FMN2: variants seen among roughly 807,000 people sequenced by gnomAD.
FMN2 encodes formin 2.
A neutral mutation model predicts 142.3 loss-of-function variants in FMN2; 51 were observed. That is an observed-to-expected ratio of 0.36 (90% confidence interval 0.29 to 0.45). The LOEUF is 0.45. FMN2 is among the 20% of genes least tolerant of loss of function. FMN2 has a pLI of 1.00. For synonymous variants in FMN2, 882 were observed against 869.8 expected, an observed-to-expected ratio of 1.01 and a Z score of -0.25; for missense variants, 1,936 against 2,122.8, an observed-to-expected ratio of 0.91 and a Z score of 1.73.
At chr1:240,351,112 A>T (rs1289228251) in intron 13 of FMN2, among the ~76,000 whole-genome samples, 1 of 152,136 alleles carries the variant, frequency 6.6e-6, no homozygotes, top group Non-Finnish European at 1.5e-5. Flanking sequence ...TTGTTCTGTG[A>T]CTCATTAAAT....
intron 3 of FMN2, among the ~76,000 whole-genome samples, chr1:240,184,970 A>G (rs1665349576): frequency 6.9e-6 from 1 of 145,936 alleles, no homozygotes; most frequent in African/African-American, 2.5e-5. Flanking sequence ...TCTCCCTCCT[A>G]TACCTTCCCC....
At chr1:240,385,538 T>C (rs1013954271) in intron 14 of FMN2, among the ~76,000 whole-genome samples, 1 of 152,184 alleles carries the variant, frequency 6.6e-6, no homozygotes, top group Non-Finnish European at 1.5e-5. Flanking sequence ...TATAAAAATT[T>C]AGTTTGAGTT....
At chr1:240,117,551 GA>G (rs1296674023) in intron 1 of FMN2, among the ~76,000 whole-genome samples, 1 of 152,180 alleles carries the variant, frequency 6.6e-6, no homozygotes, top group African/African-American at 2.4e-5. Context: ...ATAGAACATG[GA>G]ATTTAAGCCG....
chr1:240,157,050 A>C (rs1460825637), intron 2 of FMN2, among the ~76,000 whole-genome samples: 1 of 152,166 alleles, frequency 6.6e-6, no homozygotes, highest in Non-Finnish European at 1.5e-5. Context: ...TAAGAAAAAA[A>C]CTTTATTTCT....
intron 2 of FMN2, chr1:240,142,827 G>A: frequency 1.3e-6 from 2 of 1,586,428 alleles, no homozygotes; most frequent in Non-Finnish European, 1.7e-6. Context: ...AGGCTTGCCA[G>A]CCTGGCCCAC....
intron 15 of FMN2, among the ~76,000 whole-genome samples, chr1:240,405,776 AT>A (rs202113309): frequency 0.014 from 2,196 of 152,224 alleles, 54 homozygotes; most frequent in African/African-American, 0.048. Flanking sequence ...GAAGAAAAAA[AT>A]TTTTTTCTAA....
chr1:240,363,742 C>T (rs927989630), intron 14 of FMN2, among the ~76,000 whole-genome samples: 18 of 152,170 alleles, frequency 1.2e-4, no homozygotes, highest in Non-Finnish European at 1.5e-5. Flanking sequence ...TCTCCCCTCC[C>T]TTTATACTAG....
At chr1:240,371,884 C>T (rs907686686) in intron 14 of FMN2, among the ~76,000 whole-genome samples, 1 of 152,100 alleles carries the variant, frequency 6.6e-6, no homozygotes, top group Non-Finnish European at 1.5e-5. Flanking sequence ...GTGTAATTAC[C>T]GCTCTCTGTT....
Position 240,102,418 on chromosome 1 carries a change from T to G in FMN2, c.1615+8694T>G, listed in dbSNP as rs533623243. 2.7e-3 allele frequency among the ~76,000 whole-genome samples: 413 copies of G among 152,270 alleles called. 1 individual carries two copies. The South Asian group carries it at 0.032, about 12-fold the overall frequency. On this transcript the variant is annotated intron_variant, in intron 1 of 17. Transcript: ENST00000319653. ...TAAAAGTATAATAAAAGAAATGAGG[T>G]AACAATAGGGATAATCTTTGAAACT...
intron 13 of FMN2, among the ~76,000 whole-genome samples, chr1:240,350,451 T>C (rs941123860): frequency 6.6e-6 from 1 of 152,150 alleles, no homozygotes; most frequent in Non-Finnish European, 1.5e-5. Context: ...CACACAGAGG[T>C]GAATAGGATA....
intron 2 of FMN2, among the ~76,000 whole-genome samples, chr1:240,175,394 G>A (rs1220940960): frequency 1.3e-5 from 2 of 152,106 alleles, no homozygotes; most frequent in Non-Finnish European, 2.9e-5. Flanking sequence ...AATTTTTTGA[G>A]GAACTGCCAT....
intron 15 of FMN2, among the ~76,000 whole-genome samples, chr1:240,411,627 G>GTT (rs147803371): frequency 1.1e-4 from 13 of 122,520 alleles, no homozygotes; most frequent in African/African-American, 3.6e-4. Flanking sequence ...TGTTTGATCT[G>GTT]TTGTTTTTTT....
intron 7 of FMN2, among the ~76,000 whole-genome samples, chr1:240,292,386 A>G (rs528996252): frequency 6.6e-6 from 1 of 152,316 alleles, no homozygotes; most frequent in South Asian, 2.1e-4. Flanking sequence ...TGATCATGGT[A>G]TTCTCTTCTC....
intron 13 of FMN2, among the ~76,000 whole-genome samples, chr1:240,347,459 G>A (rs1483384747): frequency 6.6e-6 from 1 of 152,156 alleles, no homozygotes; most frequent in Non-Finnish European, 1.5e-5. Flanking sequence ...CCTCCCGACA[G>A]CACTCATCAA....
At chr1:240,130,122 C>T (rs1662676506) in intron 2 of FMN2, among the ~76,000 whole-genome samples, 2 of 152,074 alleles carry the variant, frequency 1.3e-5, no homozygotes, top group South Asian at 4.1e-4. Context: ...TTAGGGCATA[C>T]TTTTAAGGTT....
At chr1:240,433,698 C>G (rs756813926) in intron 15 of FMN2, among the ~76,000 whole-genome samples, 19 of 152,180 alleles carry the variant, frequency 1.2e-4, no homozygotes, top group Non-Finnish European at 2.4e-4. Context: ...TTAGCCCTGA[C>G]CCTTTTCAGG....
intron 15 of FMN2, among the ~76,000 whole-genome samples, chr1:240,401,487 T>A (rs576540559): frequency 4.6e-5 from 7 of 152,332 alleles, no homozygotes; most frequent in Admixed American, 2.0e-4. Context: ...TCCTAATCCA[T>A]GGAATTGGCT....
chr1:240,222,578 T>C (rs1031909788), intron 6 of FMN2, among the ~76,000 whole-genome samples: 2 of 152,190 alleles, frequency 1.3e-5, no homozygotes, highest in African/African-American at 4.8e-5. Context: ...TAAATTACTT[T>C]GTGCACTATG....
intron 6 of FMN2, among the ~76,000 whole-genome samples, chr1:240,249,717 ATTC>A (rs1434876681): frequency 6.6e-6 from 1 of 152,046 alleles, no homozygotes; most frequent in Non-Finnish European, 1.5e-5. Flanking sequence ...AACAATATTT[ATTC>A]TTCCTGTCCA....
Sources: gnomAD v4.1 joint callset for allele counts (sites outside exome capture counted in the v4.1 genomes callset) on GRCh38, gnomAD v4.1.1 for gene constraint, MANE v1.5 for transcripts, NCBI Gene and HGNC (gene_info 2026-07-23, HGNC 2026-07-21) for gene names.